Variants in CACNB4 observed in about 807,000 individuals in gnomAD.
The protein encoded by CACNB4 is calcium voltage-gated channel auxiliary subunit beta 4, also known as voltage-dependent L-type calcium channel subunit beta-4.
A neutral mutation model predicts 71.2 loss-of-function variants in CACNB4; 32 were observed. The ratio of observed to expected loss-of-function variants is 0.45; its 90% confidence interval spans 0.34 to 0.60. The LOEUF is 0.60. Among genes scored for constraint, CACNB4 ranks in the 20% least tolerant of loss-of-function variants. The pLI is 0.01. For synonymous variants in CACNB4, 231 were observed against 236.9 expected (o/e 0.97, Z 0.23); for missense variants, 464 against 647.9 (o/e 0.72, Z 3.08).
At chr2:151,921,138 AAAATAAATAAATAAATAAATAAAT>A (rs70974809) in intron 2 of CACNB4, among the ~76,000 whole-genome samples, 116 of 137,610 alleles carry the variant, frequency 8.4e-4, no homozygotes, top group African/African-American at 2.8e-3. Flanking sequence ...CTCCGTCTCA[AAAATAAATAAATAAATAAATAAAT>A]AAATAAATAA....
chr2:151,857,435 A>G (rs756974687), intron 10 of CACNB4: 2 of 152,246 alleles, frequency 1.3e-5, no homozygotes, highest in African/African-American at 2.4e-5. Flanking sequence ...TTCTTCTGAA[A>G]TCATATTCTA....
At chr2:151,890,410 A>G (rs769840761) in intron 2 of CACNB4, among the ~76,000 whole-genome samples, 4 of 152,230 alleles carry the variant, frequency 2.6e-5, no homozygotes, top group Non-Finnish European at 4.4e-5. Flanking sequence ...ACTAACTTAT[A>G]GATATTATTA....
chr2:151,840,420 T>C (rs1232076433), intron 13 of CACNB4, among the ~76,000 whole-genome samples: 2 of 152,228 alleles, frequency 1.3e-5, no homozygotes, highest in Non-Finnish European at 2.9e-5. Context: ...TCAAGATTGT[T>C]GTATTCAATA....
At chr2:151,989,156 T>C (rs1022800128) in intron 2 of CACNB4, among the ~76,000 whole-genome samples, 2 of 152,216 alleles carry the variant, frequency 1.3e-5, no homozygotes, top group African/African-American at 4.8e-5. Context: ...TCTGGTTCCA[T>C]ATGCTCTCTT....
At chr2:151,931,781 A>G (rs552067122) in intron 2 of CACNB4, among the ~76,000 whole-genome samples, 1 of 152,328 alleles carries the variant, frequency 6.6e-6, no homozygotes, top group Admixed American at 6.5e-5. Flanking sequence ...AAAAAAGATG[A>G]GTTCTACCTC....
intron 2 of CACNB4, among the ~76,000 whole-genome samples, chr2:152,035,315 C>A (rs1684494952): frequency 6.6e-6 from 1 of 152,178 alleles, no homozygotes; most frequent in Non-Finnish European, 1.5e-5. Flanking sequence ...AATCCCAGCA[C>A]TTTGGGAGGC....
chr2:152,096,702 A>G (rs1356862022), intron 2 of CACNB4, among the ~76,000 whole-genome samples: 2 of 152,244 alleles, frequency 1.3e-5, no homozygotes, highest in African/African-American at 4.8e-5. Context: ...TTAAGCCAGC[A>G]CATAGCAGCA....
intron 2 of CACNB4, among the ~76,000 whole-genome samples, chr2:152,037,014 A>G (rs987644584): frequency 2.0e-5 from 3 of 152,222 alleles, no homozygotes; most frequent in African/African-American, 7.2e-5. Flanking sequence ...GGGTGTTTCT[A>G]TCTCCAAACG....
At chr2:151,953,884 A>G (rs1272488541) in intron 2 of CACNB4, among the ~76,000 whole-genome samples, 1 of 152,246 alleles carries the variant, frequency 6.6e-6, no homozygotes, top group East Asian at 1.9e-4. Flanking sequence ...ACTCTGACAA[A>G]CGTGTTCACC....
At chr2:151,903,842 G>A (rs548499743) in intron 2 of CACNB4, among the ~76,000 whole-genome samples, 21 of 152,142 alleles carry the variant, frequency 1.4e-4, no homozygotes, top group Admixed American at 2.6e-4. Context: ...TCATCCATCC[G>A]TTGTGTTACA....
chr2:151,978,498 C>A (rs1365666164), intron 2 of CACNB4, among the ~76,000 whole-genome samples: 1 of 152,174 alleles, frequency 6.6e-6, no homozygotes, highest in Non-Finnish European at 1.5e-5. Flanking sequence ...CCCAGCTGTG[C>A]CACTTCCCAG....
chr2:152,087,160 C>T (rs140027408), intron 2 of CACNB4, among the ~76,000 whole-genome samples: 10,638 of 151,378 alleles, frequency 0.07, 915 homozygotes, highest in African/African-American at 0.2. Flanking sequence ...AGGCTAGGCA[C>T]GGTGGCTCAT....
intron 2 of CACNB4, chr2:151,971,358 G>A (rs563517494): frequency 1.6e-6 from 1 of 607,244 alleles, no homozygotes; most frequent in South Asian, 2.0e-5. Context: ...ATTTTCAACA[G>A]CACAGAACGG....
chr2:151,975,933 A>G (rs899492499), intron 2 of CACNB4, among the ~76,000 whole-genome samples: 3 of 152,238 alleles, frequency 2.0e-5, no homozygotes, highest in African/African-American at 7.2e-5. Flanking sequence ...CAATTCACCA[A>G]GATGAGACAA....
At chr2:152,072,996 G>T (rs1686786085) in intron 2 of CACNB4, among the ~76,000 whole-genome samples, 1 of 152,056 alleles carries the variant, frequency 6.6e-6, no homozygotes, top group Non-Finnish European at 1.5e-5. Flanking sequence ...AAGTTCAGTG[G>T]CTTGGTCTAG....
chr2:151,916,697 GA>G (rs2151555458), intron 2 of CACNB4, among the ~76,000 whole-genome samples: 1 of 152,328 alleles, frequency 6.6e-6, no homozygotes, highest in South Asian at 2.1e-4. Context: ...GCCACAAGAG[GA>G]AACATCAGAC....
intron 2 of CACNB4, among the ~76,000 whole-genome samples, chr2:151,933,652 C>G (rs531445897): frequency 7.9e-5 from 12 of 152,290 alleles, no homozygotes; most frequent in Non-Finnish European, 8.8e-5. Context: ...CAGGCTCCCC[C>G]TCACAGGCCC....
intron 2 of CACNB4, among the ~76,000 whole-genome samples, chr2:152,001,626 T>C (rs1043156891): frequency 2.1e-5 from 3 of 145,446 alleles, no homozygotes; most frequent in Non-Finnish European, 3.0e-5. Context: ...GGCAGGAGAA[T>C]CGCTTGAACC....
intron 2 of CACNB4, among the ~76,000 whole-genome samples, chr2:151,956,259 G>C (rs1292598375): frequency 6.6e-6 from 1 of 152,206 alleles, no homozygotes; most frequent in Non-Finnish European, 1.5e-5. Flanking sequence ...GTTCACAGCA[G>C]CATTATTCAT....
Sources: gnomAD v4.1 joint callset for allele counts (sites outside exome capture counted in the v4.1 genomes callset) on GRCh38, gnomAD v4.1.1 for gene constraint, MANE v1.5 for transcripts, NCBI Gene and HGNC (gene_info 2026-07-23, HGNC 2026-07-21) for gene names.